The following JMJD1C variants were observed in gnomAD, a reference collection of about 807,000 sequenced individuals.
The protein encoded by JMJD1C is jumonji domain-containing protein 1C.
In JMJD1C, 31 loss-of-function variants were observed where a neutral mutation model predicts 245.3. That is an observed-to-expected ratio of 0.13 (90% confidence interval 0.09 to 0.17). The LOEUF (loss-of-function observed/expected upper bound fraction) is 0.17, where lower values mean the gene tolerates loss of function less well. Among genes scored for constraint, JMJD1C ranks in the 10% least tolerant of loss-of-function variants. The pLI, the probability that JMJD1C is intolerant of heterozygous loss-of-function variation, is 1.00. For missense variants in JMJD1C, 2,691 were observed against 3,000.2 expected, an observed-to-expected ratio of 0.90 and a Z score of 2.41; for synonymous variants, 1,057 against 1,017.4, an observed-to-expected ratio of 1.04 and a Z score of -0.74.
Position 63,208,774 on chromosome 10 carries a change from T to C in JMJD1C, c.2895A>G (p.Glu965=), listed in dbSNP as rs189118006. The C allele has an allele frequency of 1.3e-6, 2 of 1,591,092 alleles. No individual in the cohort carries two copies. Among genetic ancestry groups the C allele is most frequent in the Admixed American group, 1.9e-5 (1 of 53,160 alleles). ...ATGTGGATGCAACAGACCGTAATGG[T>C]TCCATAAAAGCTTTTCTTTCTAATT... ...KEELERKAFM[E]PLRSVASTSA... Residue 965 remains glutamate, a synonymous_variant, in exon 10 of 26, where the codon GAA becomes GAG. Coordinates refer to ENST00000399262, the MANE Select transcript of JMJD1C (RefSeq NM_032776.3).
intron 1 of JMJD1C, among the ~76,000 whole-genome samples, chr10:63,462,957 G>C (rs967496681): frequency 6.6e-6 from 1 of 151,816 alleles, no homozygotes; most frequent in South Asian, 2.1e-4. Context: ...GATTATCTTT[G>C]AGACACAATA....
At chr10:63,439,641 A>C (rs1951250809) in intron 1 of JMJD1C, among the ~76,000 whole-genome samples, 1 of 152,174 alleles carries the variant, frequency 6.6e-6, no homozygotes, top group South Asian at 2.1e-4. Flanking sequence ...CTATTTTATC[A>C]ATCTTATTCA....
chr10:63,313,525 T>C (rs953701154), intron 2 of JMJD1C, among the ~76,000 whole-genome samples: 1 of 152,210 alleles, frequency 6.6e-6, no homozygotes, highest in African/African-American at 2.4e-5. Context: ...CTTCACACTG[T>C]CCATATTAGT....
At chr10:63,408,447 T>C (rs1210323825) in intron 1 of JMJD1C, among the ~76,000 whole-genome samples, 1 of 151,374 alleles carries the variant, frequency 6.6e-6, no homozygotes, top group East Asian at 1.9e-4. Flanking sequence ...AGGAAAGTTA[T>C]TGTGAAATTT....
chr10:63,280,884 G>A (rs1589375421), intron 2 of JMJD1C, among the ~76,000 whole-genome samples: 1 of 151,912 alleles, frequency 6.6e-6, no homozygotes, highest in African/African-American at 2.4e-5. Flanking sequence ...AACCAAGTAG[G>A]CTGTCCCGCT....
chr10:63,256,048 T>G (rs1853874803), intron 3 of JMJD1C, among the ~76,000 whole-genome samples: 1 of 152,190 alleles, frequency 6.6e-6, no homozygotes, highest in Non-Finnish European at 1.5e-5. Context: ...TTCACATACT[T>G]TAAATTCATA....
At chr10:63,484,908 T>C (rs1953946538) in intron 1 of JMJD1C, among the ~76,000 whole-genome samples, 1 of 151,762 alleles carries the variant, frequency 6.6e-6, no homozygotes, top group African/African-American at 2.4e-5. Context: ...TGCAAGGCCC[T>C]AGAGGCTCCA....
intron 2 of JMJD1C, among the ~76,000 whole-genome samples, chr10:63,277,420 A>G (rs1444725076): frequency 6.6e-6 from 1 of 152,162 alleles, no homozygotes; most frequent in Non-Finnish European, 1.5e-5. Context: ...AGGTAATAAC[A>G]GTTGTCTGCA....
chr10:63,327,538 A>C (rs1256057437), intron 2 of JMJD1C, among the ~76,000 whole-genome samples: 1 of 152,224 alleles, frequency 6.6e-6, no homozygotes, highest in Non-Finnish European at 1.5e-5. Flanking sequence ...ACAAAAGGTA[A>C]ATGGACTTCC....
intron 2 of JMJD1C, among the ~76,000 whole-genome samples, chr10:63,325,352 T>A (rs984197733): frequency 6.6e-6 from 1 of 152,146 alleles, no homozygotes; most frequent in South Asian, 2.1e-4. Context: ...TGTTTTGTTT[T>A]GTTTTGAGAC....
intron 1 of JMJD1C, among the ~76,000 whole-genome samples, chr10:63,424,985 G>A (rs539614603): frequency 1.3e-4 from 20 of 152,116 alleles, no homozygotes; most frequent in African/African-American, 4.3e-4. Flanking sequence ...AACTGTGGCC[G>A]CTCACCAACT....
At chr10:63,244,239 C>G (rs1378026158) in intron 3 of JMJD1C, among the ~76,000 whole-genome samples, 1 of 152,130 alleles carries the variant, frequency 6.6e-6, no homozygotes, top group East Asian at 1.9e-4. Context: ...GAGGCACAAA[C>G]CCCTAGCTAG....
chr10:63,440,887 A>G (rs1041331362), intron 1 of JMJD1C, among the ~76,000 whole-genome samples: 15 of 152,196 alleles, frequency 9.9e-5, no homozygotes, highest in Admixed American at 7.9e-4. Flanking sequence ...AATAGTACCT[A>G]TCTTATAGAT....
chr10:63,287,699 T>G (rs1042671577), intron 2 of JMJD1C, among the ~76,000 whole-genome samples: 1 of 152,162 alleles, frequency 6.6e-6, no homozygotes, highest in Non-Finnish European at 1.5e-5. Flanking sequence ...CTGTAATTAT[T>G]TGCAAATATT....
chr10:63,198,843 T>C, intron 11 of JMJD1C, 116 bp from the exon 12 acceptor site: 1 of 560,960 alleles, frequency 1.8e-6, no homozygotes, highest in Non-Finnish European at 3.0e-6. Context: ...TGAATTACAT[T>C]AAAAACAGGA....
chr10:63,268,538 A>G (rs1207386573), intron 2 of JMJD1C: 1 of 194,604 alleles, frequency 5.1e-6, no homozygotes, highest in Admixed American at 6.5e-5. Flanking sequence ...AAAAATTCTT[A>G]AAACTAAAAA....
At chr10:63,320,635 C>G (rs1284469666) in intron 2 of JMJD1C, among the ~76,000 whole-genome samples, 1 of 152,220 alleles carries the variant, frequency 6.6e-6, no homozygotes, top group East Asian at 1.9e-4. Flanking sequence ...AATGGAGACT[C>G]TTCTTCGACT....
chr10:63,270,402 C>T (rs984229756), intron 2 of JMJD1C, among the ~76,000 whole-genome samples: 2 of 151,938 alleles, frequency 1.3e-5, no homozygotes, highest in African/African-American at 2.4e-5. Context: ...CTCCTGACCT[C>T]AGGCTATCCA....
Position 63,186,240 on chromosome 10 carries a change from G to A in JMJD1C, c.6714C>T (p.Phe2238=). Residue 2238 remains phenylalanine (F), a synonymous_variant, in exon 19 of 26, where the codon TTC becomes TTT. Coordinates refer to ENST00000399262, the MANE Select transcript of JMJD1C (RefSeq NM_032776.3). Reference sequence around the variant, plus strand: ...TTGAAACTTCTTCAAAACCATCCCAGAATTCCTTAACATTGGCATTTGAAA... The same window carrying A: ...TTGAAACTTCTTCAAAACCATCCCAAAATTCCTTAACATTGGCATTTGAAA... ...SIISNANVKE[F]WDGFEEVSKR... 6.2e-7 allele frequency: 1 copy of A among 1,611,732 alleles called. No individual in the cohort carries two copies. The highest frequency in any genetic ancestry group is 8.5e-7 in the Non-Finnish European group (1 of 1,179,480).
Sources: allele counts gnomAD v4.1 joint callset (sites outside exome capture counted in the v4.1 genomes callset), GRCh38; gene constraint gnomAD v4.1.1; transcripts MANE v1.5; gene names NCBI Gene and HGNC (gene_info 2026-07-23, HGNC 2026-07-21).